The following WDR72 variants were observed in gnomAD, a reference collection of about 807,000 sequenced individuals.
The protein encoded by WDR72 is WD repeat domain 72.
A neutral mutation model predicts 124.2 loss-of-function variants in WDR72; 120 were observed. The observed-to-expected ratio is 0.97, with a 90% confidence interval of 0.83 to 1.12. The LOEUF is 1.12. WDR72 is among the 50% of genes most tolerant of loss of function. WDR72 has a pLI of 0.00. For missense variants in WDR72, 1,387 were observed against 1,278.8 expected (o/e 1.08, Z -1.29); for synonymous variants, 452 against 441.7 (o/e 1.02, Z -0.29).
chr15:53,610,444 T>C (rs1464314492), intron 16 of WDR72, among the ~76,000 whole-genome samples: 2 of 152,038 alleles, frequency 1.3e-5, no homozygotes, highest in Non-Finnish European at 2.9e-5. Context: ...AGCGGAAAAG[T>C]TGTTACTATA....
intron 14 of WDR72, among the ~76,000 whole-genome samples, chr15:53,636,868 A>G (rs2014642172): frequency 6.6e-6 from 1 of 152,154 alleles, no homozygotes; most frequent in Non-Finnish European, 1.5e-5. Flanking sequence ...TTTTCTTAAC[A>G]ACTTTATGGT....
intron 1 of WDR72, among the ~76,000 whole-genome samples, chr15:53,738,627 G>A (rs750754417): frequency 7.2e-5 from 11 of 152,024 alleles, no homozygotes; most frequent in African/African-American, 1.9e-4. Context: ...ATGGAGTCTC[G>A]TTCTTGTCGC....
chr15:53,738,205 A>G (rs1400924874), intron 1 of WDR72, among the ~76,000 whole-genome samples: 1 of 152,202 alleles, frequency 6.6e-6, no homozygotes, highest in East Asian at 1.9e-4. Flanking sequence ...AGCCTTAAAC[A>G]CATAAATACA....
chr15:53,586,684 C>T (rs1423438287), intron 18 of WDR72, among the ~76,000 whole-genome samples: 1 of 151,974 alleles, frequency 6.6e-6, no homozygotes, highest in Non-Finnish European at 1.5e-5. Context: ...CTCTGCTAAG[C>T]CCAAAGCTAA....
intron 1 of WDR72, among the ~76,000 whole-genome samples, chr15:53,753,787 C>T (rs1382179637): frequency 6.6e-6 from 1 of 152,148 alleles, no homozygotes; most frequent in African/African-American, 2.4e-5. Flanking sequence ...TTACTGAATG[C>T]CAACTGTGTT....
At chr15:53,667,873 T>C (rs894923012) in intron 13 of WDR72, among the ~76,000 whole-genome samples, 2 of 152,206 alleles carry the variant, frequency 1.3e-5, no homozygotes, top group Admixed American at 1.3e-4. Flanking sequence ...AATACAACAT[T>C]TCTTGTATTT....
chr15:53,691,604 C>A (rs1450754993), intron 13 of WDR72, among the ~76,000 whole-genome samples: 2 of 59,902 alleles, frequency 3.3e-5, no homozygotes, highest in African/African-American at 1.0e-4. Context: ...AAATGATAGA[C>A]AGACAGACAG....
chr15:53,550,049 T>C (rs1893666233), intron 18 of WDR72, among the ~76,000 whole-genome samples: 1 of 152,164 alleles, frequency 6.6e-6, no homozygotes, highest in Non-Finnish European at 1.5e-5. Flanking sequence ...AAAAACCTGT[T>C]TAATTGAAGC....
intron 13 of WDR72, among the ~76,000 whole-genome samples, chr15:53,699,460 C>A (rs2017099529): frequency 6.6e-6 from 1 of 152,148 alleles, no homozygotes; most frequent in Non-Finnish European, 1.5e-5. Context: ...AAATTTCTCT[C>A]TTGTTAATAA....
chr15:53,753,334 C>T (rs1291940053), intron 1 of WDR72, among the ~76,000 whole-genome samples: 1 of 152,212 alleles, frequency 6.6e-6, no homozygotes, highest in East Asian at 1.9e-4. Context: ...TCCCTAATGC[C>T]CACGATTCTA....
chr15:53,582,829 T>C (rs1237211359), intron 18 of WDR72, among the ~76,000 whole-genome samples: 1 of 151,986 alleles, frequency 6.6e-6, no homozygotes, highest in African/African-American at 2.4e-5. Flanking sequence ...TTTTGACTAA[T>C]AGTTGGCTTT....
chr15:53,737,988 T>C (rs899083601), intron 1 of WDR72, among the ~76,000 whole-genome samples: 1 of 152,166 alleles, frequency 6.6e-6, no homozygotes, highest in African/African-American at 2.4e-5. Flanking sequence ...AATCTGAAAT[T>C]GCCTCCTTCC....
rs193176233 is a variant in WDR72 at position 53,684,853 on chromosome 15, G to A, written c.1765+14897C>T. 6.2e-3 allele frequency among the ~76,000 whole-genome samples: 946 copies of A among 152,314 alleles called. 5 individuals carry two copies. Among genetic ancestry groups the A allele is most frequent in the Non-Finnish European group, 8.1e-3 (552 of 68,042 alleles). Reference sequence around the variant, plus strand: ...AGAGCAGTGATTCTCCCAGTACGCAGCTGGAGATCTGAGAAGGGCCAGACT... The same window carrying A: ...AGAGCAGTGATTCTCCCAGTACGCAACTGGAGATCTGAGAAGGGCCAGACT... On this transcript the variant is annotated intron_variant, in intron 13 of 19. Coordinates refer to ENST00000360509, the MANE Select transcript of WDR72 (RefSeq NM_182758.4).
Position 53,699,690 on chromosome 15 carries a change from G to T in WDR72, c.1765+60C>A, listed in dbSNP as rs184915899. On this transcript the variant is annotated intron_variant, in intron 13 of 19. Transcript: ENST00000360509. ...GTGTCTTCTCTGAAACTTTCCATCT[G>T]GTCAAATGCTTGTACATCATAAATA... 86 of 1,569,792 alleles carry T rather than the reference G, an allele frequency of 5.5e-5. No homozygotes were observed. In the Admixed American group the frequency reaches 1.1e-3, roughly 20 times the overall value.
chr15:53,692,651 C>A (rs1595854827), intron 13 of WDR72, among the ~76,000 whole-genome samples: 1 of 152,226 alleles, frequency 6.6e-6, no homozygotes, highest in East Asian at 1.9e-4. Context: ...TATTTCATAG[C>A]TAAACTGCAA....
At chr15:53,632,168 G>GC (rs1029155302) in intron 14 of WDR72, among the ~76,000 whole-genome samples, 4 of 151,946 alleles carry the variant, frequency 2.6e-5, no homozygotes, top group Admixed American at 2.6e-4. Flanking sequence ...GGTTTCCTGG[G>GC]CCAGGACCAG....
chr15:53,651,394 G>A (rs549443857), intron 14 of WDR72, among the ~76,000 whole-genome samples: 8 of 152,224 alleles, frequency 5.3e-5, no homozygotes, highest in Admixed American at 2.6e-4. Context: ...TTTTGTTTAC[G>A]ATGTATCCAC....
At chr15:53,596,612 T>C (rs1014939978) in intron 18 of WDR72, among the ~76,000 whole-genome samples, 1 of 152,194 alleles carries the variant, frequency 6.6e-6, no homozygotes, top group Non-Finnish European at 1.5e-5. Flanking sequence ...AAGCTATTGC[T>C]GTTACTTCTG....
At chr15:53,550,470 T>C (rs1306925263) in intron 18 of WDR72, among the ~76,000 whole-genome samples, 3 of 152,210 alleles carry the variant, frequency 2.0e-5, no homozygotes, top group Admixed American at 6.5e-5. Flanking sequence ...AGTCATGATA[T>C]GAATTGGGAG....
Sources: gnomAD v4.1 joint callset for allele counts (sites outside exome capture counted in the v4.1 genomes callset) on GRCh38, gnomAD v4.1.1 for gene constraint, MANE v1.5 for transcripts, NCBI Gene and HGNC (gene_info 2026-07-23, HGNC 2026-07-21) for gene names.